The following POLA1 variants were observed in gnomAD, a reference collection of about 807,000 sequenced individuals.
POLA1 encodes the protein DNA polymerase alpha catalytic subunit.
A neutral mutation model predicts 124.0 loss-of-function variants in POLA1; 15 were observed. The observed-to-expected ratio is 0.12, with a 90% CI of 0.08 to 0.19. The LOEUF (loss-of-function observed/expected upper bound fraction) is 0.19, where lower values mean the gene tolerates loss of function less well. POLA1 is among the 10% of genes least tolerant of loss of function. POLA1 has a pLI of 1.00. For synonymous variants in POLA1, 408 were observed against 389.4 expected (o/e 1.05, Z -0.56); for missense variants, 886 against 1,103.4 (o/e 0.80, Z 2.79).
chrX:24,924,285 G>A (rs747225808), intron 35 of POLA1, among the ~76,000 whole-genome samples: 2 of 111,775 alleles, frequency 1.8e-5, no homozygotes, highest in South Asian at 7.6e-4. Context: ...CCTGAGACAC[G>A]TTAGTCTTGT....
intron 30 of POLA1, among the ~76,000 whole-genome samples, chrX:24,815,925 T>C (rs1265526482): frequency 1.8e-5 from 2 of 112,173 alleles, no homozygotes; most frequent in Admixed American, 1.9e-4. Context: ...TACAGTGTTA[T>C]TTAGAAATAT....
chrX:24,731,985 C>T (rs1930934267), intron 15 of POLA1, among the ~76,000 whole-genome samples: 1 of 111,859 alleles, frequency 8.9e-6, no homozygotes, highest in Non-Finnish European at 1.9e-5. Flanking sequence ...GACAGAGTCT[C>T]ACTCTGTCAC....
At chrX:24,971,871 A>G (rs2048306193) in intron 36 of POLA1, among the ~76,000 whole-genome samples, 1 of 111,613 alleles carries the variant, frequency 9.0e-6, no homozygotes, top group Admixed American at 9.5e-5. Flanking sequence ...GTGGACCAAG[A>G]TATTATTCAG....
At chrX:24,875,934 A>G in intron 34 of POLA1, among the ~76,000 whole-genome samples, 1 of 111,898 alleles carries the variant, frequency 8.9e-6, no homozygotes, top group Non-Finnish European at 1.9e-5. Context: ...TAATTTCCAA[A>G]AGCTAAGTAT....
intron 19 of POLA1, among the ~76,000 whole-genome samples, chrX:24,737,995 T>G (rs773953807): frequency 9.5e-6 from 1 of 105,059 alleles, no homozygotes; most frequent in East Asian, 2.9e-4. Flanking sequence ...GGGTGGATCA[T>G]GAGGTCAGGA....
At chrX:24,804,731 A>G (rs1056717925) in intron 26 of POLA1, among the ~76,000 whole-genome samples, 6 of 111,495 alleles carry the variant, frequency 5.4e-5, no homozygotes, top group Admixed American at 9.5e-5. Context: ...TTTTCTCTCT[A>G]TTGTTTAGTA....
At chrX:24,991,900 C>T (rs1254989088) in intron 36 of POLA1, among the ~76,000 whole-genome samples, 2 of 112,501 alleles carry the variant, frequency 1.8e-5, no homozygotes, top group African/African-American at 6.5e-5. Context: ...GAATGGTCCT[C>T]TAGGCATTGG....
At chrX:24,966,912 G>T (rs946514913) in intron 36 of POLA1, among the ~76,000 whole-genome samples, 2 of 112,399 alleles carry the variant, frequency 1.8e-5, no homozygotes, top group Non-Finnish European at 3.8e-5. Flanking sequence ...TAATTGGTAA[G>T]AAAGAAAAGG....
At chrX:24,829,934 A>C (rs1192349033) in intron 32 of POLA1, among the ~76,000 whole-genome samples, 1 of 112,581 alleles carries the variant, frequency 8.9e-6, no homozygotes, top group African/African-American at 3.2e-5. Flanking sequence ...ATACAAATGT[A>C]TACATAAAAT....
intron 36 of POLA1, among the ~76,000 whole-genome samples, chrX:24,986,120 C>T (rs1426076867): frequency 4.5e-5 from 5 of 111,281 alleles, no homozygotes; most frequent in Admixed American, 2.8e-4. Context: ...TGCAGTGAGC[C>T]GAGATCGCGC....
intron 34 of POLA1, among the ~76,000 whole-genome samples, chrX:24,864,160 T>G (rs1163175951): frequency 3.6e-5 from 4 of 110,076 alleles, no homozygotes; most frequent in Non-Finnish European, 5.7e-5. Context: ...TTTTGTGTTT[T>G]TAGTAGAGAT....
At chrX:24,792,946 T>C (rs2045531361) in intron 26 of POLA1, among the ~76,000 whole-genome samples, 1 of 111,277 alleles carries the variant, frequency 9.0e-6, no homozygotes, top group Non-Finnish European at 1.9e-5. Flanking sequence ...AAGAGAGATA[T>C]CAAAGGCTTG....
At chrX:24,875,587 G>A (rs762282134) in intron 34 of POLA1, among the ~76,000 whole-genome samples, 3 of 111,726 alleles carry the variant, frequency 2.7e-5, no homozygotes, top group East Asian at 5.6e-4. Flanking sequence ...AGGCATATTC[G>A]GAAGAATGTT....
chrX:24,717,071 G>C, intron 8 of POLA1, 100 bp downstream of exon 8: 1 of 587,893 alleles, frequency 1.7e-6, no homozygotes, highest in Non-Finnish European at 2.7e-6. Context: ...TGAAGGTGTT[G>C]TGATGGCAAG....
chrX:24,815,537 G>A (rs759363227), intron 30 of POLA1, among the ~76,000 whole-genome samples: 2 of 111,818 alleles, frequency 1.8e-5, no homozygotes, highest in Non-Finnish European at 3.8e-5. Context: ...TAACTTCACA[G>A]ATGGTGATTC....
chrX:24,892,442 A>G (rs1249817777), intron 35 of POLA1, among the ~76,000 whole-genome samples: 3 of 111,475 alleles, frequency 2.7e-5, no homozygotes, highest in Admixed American at 9.6e-5. Context: ...ATCGAACTCT[A>G]TCATACTGGT....
At chrX:24,982,668 T>G (rs2147290366) in intron 36 of POLA1, among the ~76,000 whole-genome samples, 1 of 111,172 alleles carries the variant, frequency 9.0e-6, no homozygotes, top group South Asian at 3.8e-4. Flanking sequence ...ATCTTCACTT[T>G]TCAACCACTG....
rs138658126 is a variant in POLA1 at position 24,928,394 on chromosome X, G to A, written c.4165-2059G>A. Reference sequence around the variant, plus strand: ...TGACAAGCAGCTATATTGACCCAGCGCTTATTATGGGTCAACAGCTGCGTT... The same window carrying A: ...TGACAAGCAGCTATATTGACCCAGCACTTATTATGGGTCAACAGCTGCGTT... On this transcript the variant is annotated intron_variant, in intron 35 of 36. Transcript: ENST00000379068. Among the ~76,000 whole-genome samples, 882 of 111,929 alleles carry A rather than the reference G, an allele frequency of 7.9e-3. 3 individuals carry two copies. Among genetic ancestry groups the A allele is most frequent in the Middle Eastern group, 0.014 (3 of 219 alleles).
At chrX:24,982,541 G>A (rs1288260883) in intron 36 of POLA1, among the ~76,000 whole-genome samples, 2 of 110,785 alleles carry the variant, frequency 1.8e-5, no homozygotes, top group African/African-American at 6.6e-5. Flanking sequence ...AATAGCAGGA[G>A]AGTGAGTCGT....
Sources: gnomAD v4.1 joint callset for allele counts (sites outside exome capture counted in the v4.1 genomes callset) on GRCh38, gnomAD v4.1.1 for gene constraint, MANE v1.5 for transcripts, NCBI Gene and HGNC (gene_info 2026-07-23, HGNC 2026-07-21) for gene names.